The following SLX4IP variants were observed in gnomAD, a reference collection of about 807,000 sequenced individuals.
SLX4IP encodes SLX4 interacting protein.
In SLX4IP, 34 loss-of-function variants were observed where a neutral mutation model predicts 32.9. That is an observed-to-expected ratio of 1.03 (90% CI 0.79 to 1.38). SLX4IP has a LOEUF of 1.38. Ranked by LOEUF, SLX4IP falls within the 40% of genes most tolerant of loss-of-function variation. SLX4IP has a pLI of 0.00. For missense variants in SLX4IP, 444 were observed against 479.0 expected, an observed-to-expected ratio of 0.93 and a Z score of 0.68; for synonymous variants, 172 against 171.7, an observed-to-expected ratio of 1.00 and a Z score of -0.01.
chr20:10,536,601 G>C (rs1162796884), intron 2 of SLX4IP, among the ~76,000 whole-genome samples: 1 of 152,182 alleles, frequency 6.6e-6, no homozygotes, highest in Non-Finnish European at 1.5e-5. Flanking sequence ...TTGGCTGCAG[G>C]TAACTTTATT....
intron 6 of SLX4IP, among the ~76,000 whole-genome samples, chr20:10,615,993 A>C (rs577956570): frequency 6.6e-6 from 1 of 152,220 alleles, no homozygotes; most frequent in African/African-American, 2.4e-5. Flanking sequence ...CAGCACCTGA[A>C]TTTTGGAGGG....
chr20:10,552,219 G>T (rs1237513877), intron 2 of SLX4IP, among the ~76,000 whole-genome samples: 1 of 152,084 alleles, frequency 6.6e-6, no homozygotes, highest in East Asian at 1.9e-4. Context: ...TGCTCAAGAG[G>T]TGGCTTGGCC....
At chr20:10,461,938 C>G (rs6039951) in intron 2 of SLX4IP, among the ~76,000 whole-genome samples, 1 of 151,984 alleles carries the variant, frequency 6.6e-6, no homozygotes, top group Non-Finnish European at 1.5e-5. Flanking sequence ...CCACCACTCT[C>G]GGCTAATTTT....
chr20:10,512,813 T>C (rs2065822283), intron 2 of SLX4IP, among the ~76,000 whole-genome samples: 2 of 80,978 alleles, frequency 2.5e-5, no homozygotes, highest in South Asian at 8.7e-4. Context: ...TATATATATA[T>C]ATATATATAG....
At chr20:10,566,643 T>A (rs149497415) in intron 4 of SLX4IP, among the ~76,000 whole-genome samples, 15 of 152,312 alleles carry the variant, frequency 9.8e-5, no homozygotes, top group African/African-American at 3.6e-4. Flanking sequence ...TTCTACAAGG[T>A]CCTGCCTCAT....
rs950222017 is a variant in SLX4IP, at chr20:10,524,873, C to T, written c.28-31358C>T. On this transcript the variant is annotated intron_variant, in intron 2 of 7. Transcript: ENST00000334534. ...TGCTCAGTCATACTTGCTTGTTCCT[C>T]GGACATTTCTCCTCGTCATTTCTAC... is the stretch of plus-strand genomic sequence containing the variant. 1.4e-4 allele frequency among the ~76,000 whole-genome samples: 21 copies of T among 152,168 alleles called. 1 individual carries two copies. The highest frequency in any genetic ancestry group is 4.1e-4 in the South Asian group (2 of 4,824).
intron 4 of SLX4IP, among the ~76,000 whole-genome samples, chr20:10,584,925 C>T (rs1025589251): frequency 2.0e-5 from 3 of 151,812 alleles, no homozygotes; most frequent in Admixed American, 6.6e-5. Flanking sequence ...ATGACTGTGA[C>T]AAAATTAAGA....
intron 2 of SLX4IP, among the ~76,000 whole-genome samples, chr20:10,470,469 T>C (rs1446119632): frequency 6.6e-6 from 1 of 152,202 alleles, no homozygotes; most frequent in African/African-American, 2.4e-5. Flanking sequence ...GATTAAGTAA[T>C]ACAGGAAGCT....
At chr20:10,442,197 A>G (rs902135582) in intron 1 of SLX4IP, among the ~76,000 whole-genome samples, 8 of 152,246 alleles carry the variant, frequency 5.3e-5, no homozygotes, top group East Asian at 1.9e-4. Flanking sequence ...ACTAGAAAGA[A>G]GACAAATGTG....
At chr20:10,528,933 C>T (rs954399649) in intron 2 of SLX4IP, among the ~76,000 whole-genome samples, 5 of 152,206 alleles carry the variant, frequency 3.3e-5, no homozygotes, top group African/African-American at 1.2e-4. Flanking sequence ...GTTGATATTC[C>T]CTGAGCTTTC....
chr20:10,588,780 GT>G (rs1243605479), intron 4 of SLX4IP, among the ~76,000 whole-genome samples: 1 of 152,084 alleles, frequency 6.6e-6, no homozygotes, highest in Non-Finnish European at 1.5e-5. Flanking sequence ...AGGGGAAGGG[GT>G]CAATGAGGGA....
intron 2 of SLX4IP, among the ~76,000 whole-genome samples, chr20:10,536,085 G>A (rs1252596160): frequency 6.6e-6 from 1 of 152,162 alleles, no homozygotes; most frequent in Non-Finnish European, 1.5e-5. Flanking sequence ...AATGTAGAAT[G>A]GCTCTTACGG....
intron 2 of SLX4IP, among the ~76,000 whole-genome samples, chr20:10,538,686 C>T (rs2066071919): frequency 6.6e-6 from 1 of 152,054 alleles, no homozygotes; most frequent in South Asian, 2.1e-4. Context: ...TCACCATGCC[C>T]TGCTAATTTT....
intron 2 of SLX4IP, among the ~76,000 whole-genome samples, chr20:10,483,346 G>T (rs1339159708): frequency 2.0e-5 from 3 of 152,006 alleles, no homozygotes; most frequent in Non-Finnish European, 4.4e-5. Flanking sequence ...GGTTTTGAAC[G>T]CCTGGCCTCA....
At chr20:10,607,503 C>T (rs1380331198) in intron 6 of SLX4IP, among the ~76,000 whole-genome samples, 2 of 152,118 alleles carry the variant, frequency 1.3e-5, no homozygotes, top group African/African-American at 2.4e-5. Flanking sequence ...TGGTGCTTGC[C>T]CCCTCCCAAG....
chr20:10,470,113 G>T (rs897678749), intron 2 of SLX4IP, among the ~76,000 whole-genome samples: 4 of 152,138 alleles, frequency 2.6e-5, no homozygotes, highest in African/African-American at 9.7e-5. Flanking sequence ...CCCCAGTTCC[G>T]CCCTGGTCCC....
intron 1 of SLX4IP, among the ~76,000 whole-genome samples, chr20:10,438,561 T>G (rs1600871460): frequency 7.1e-6 from 1 of 140,430 alleles, no homozygotes; most frequent in African/African-American, 2.6e-5. Flanking sequence ...CACTGCAACC[T>G]CCGCCTCCTG....
At chr20:10,447,920 G>T (rs887526436) in intron 1 of SLX4IP, among the ~76,000 whole-genome samples, 2 of 147,242 alleles carry the variant, frequency 1.4e-5, no homozygotes, top group Non-Finnish European at 3.0e-5. Flanking sequence ...GCCTAGGCTG[G>T]TCTCGAACTC....
chr20:10,622,769 A>C lies in SLX4IP; in HGVS notation c.617A>C (p.Asn206Thr). 1 of 1,614,188 alleles carries C rather than the reference A, an allele frequency of 6.2e-7. No homozygotes were observed. Among genetic ancestry groups the C allele is most frequent in the Non-Finnish European group, 8.5e-7 (1 of 1,180,026 alleles). The change falls in exon 8 of 8, where the codon AAT becomes ACT. Residue 206 changes from asparagine to threonine, a missense_variant. Coordinates refer to ENST00000334534, the MANE Select transcript of SLX4IP (RefSeq NM_001009608.3). ...SVIAEIARRR[N>T]DGQASSSPPS... ...ATTGCAGAGATAGCAAGGAGGAGGA[A>C]TGATGGTCAGGCTTCCTCCAGTCCC... is the stretch of plus-strand genomic sequence containing the variant.
Sources: gnomAD v4.1 joint callset for allele counts (sites outside exome capture counted in the v4.1 genomes callset) on GRCh38, gnomAD v4.1.1 for gene constraint, MANE v1.5 for transcripts, NCBI Gene and HGNC (gene_info 2026-07-23, HGNC 2026-07-21) for gene names.